EPCIP: variants seen among roughly 807,000 people sequenced by gnomAD.
The protein encoded by EPCIP is exosomal polycystin-1-interacting protein.
the EPCIP span, among the ~76,000 whole-genome samples, chr21:32,804,505 A>AAT: frequency 1.2e-4 from 19 of 152,066 alleles, no homozygotes; most frequent in African/African-American, 3.6e-4. Flanking sequence ...GGCATGCTAC[A>AAT]ATATACATAG....
the EPCIP span, among the ~76,000 whole-genome samples, chr21:32,806,093 G>T: frequency 6.6e-6 from 1 of 152,124 alleles, no homozygotes; most frequent in Non-Finnish European, 1.5e-5. Context: ...CTGAGGCTGA[G>T]TCCGGTCAGG....
chr21:32,807,581 T>A, the EPCIP span: 1 of 152,224 alleles, frequency 6.6e-6, no homozygotes, highest in Admixed American at 6.5e-5. Flanking sequence ...TGCCTCAGCC[T>A]CCCAAAGTGC....
chr21:32,793,940 C>T, the EPCIP span: 3 of 1,614,190 alleles, frequency 1.9e-6, no homozygotes, highest in Non-Finnish European at 2.5e-6. Flanking sequence ...ACATGGCTGC[C>T]AGCCTTTGTG....
the EPCIP span, chr21:32,794,333 C>G: frequency 6.2e-7 from 1 of 1,614,228 alleles, no homozygotes; most frequent in Non-Finnish European, 8.5e-7. Context: ...GATGAGCGTG[C>G]TGTTCTTCTG....
At chr21:32,810,278 C>T in the EPCIP span, among the ~76,000 whole-genome samples, 306 of 100,962 alleles carry the variant, frequency 3.0e-3, 4 homozygotes, top group African/African-American at 0.011. Context: ...TTTTTTGAGA[C>T]GGAGTCTCGC....
the EPCIP span, among the ~76,000 whole-genome samples, chr21:32,813,206 G>A: frequency 6.6e-6 from 1 of 152,030 alleles, no homozygotes; most frequent in Non-Finnish European, 1.5e-5. Context: ...GAAGACTAAT[G>A]GAAAAGTCTA....
the EPCIP span, among the ~76,000 whole-genome samples, chr21:32,809,964 C>A: frequency 6.6e-6 from 1 of 152,012 alleles, no homozygotes; most frequent in Non-Finnish European, 1.5e-5. Flanking sequence ...AGTACCTAGT[C>A]GTGTTAGATT....
At chr21:32,793,764 A>T in the EPCIP span, 2 of 1,613,220 alleles carry the variant, frequency 1.2e-6, no homozygotes, top group Non-Finnish European at 1.7e-6. Context: ...TTATTATGCT[A>T]GTAAATAAAT....
chr21:32,796,011 T>C, the EPCIP span, among the ~76,000 whole-genome samples: 4 of 139,720 alleles, frequency 2.9e-5, no homozygotes, highest in Non-Finnish European at 6.2e-5. Flanking sequence ...CCTCTTTCCT[T>C]CCCTCCTTCC....
At chr21:32,797,198 C>A in the EPCIP span, 1 of 283,526 alleles carries the variant, frequency 3.5e-6, no homozygotes, top group Non-Finnish European at 7.3e-6. Flanking sequence ...CCTGGTAACC[C>A]ATTTATGGAG....
chr21:32,792,915 A>T, the EPCIP span, among the ~76,000 whole-genome samples: 1,441 of 69,832 alleles, frequency 0.021, 26 homozygotes, highest in East Asian at 0.12. Flanking sequence ...TATTATTATT[A>T]TTTTTTTTTT....
the EPCIP span, chr21:32,797,677 T>C: frequency 3.3e-5 from 5 of 152,318 alleles, no homozygotes; most frequent in African/African-American, 1.2e-4. Context: ...ACAAATTTCA[T>C]TGAATGAATG....
the EPCIP span, chr21:32,813,656 C>G: frequency 1.5e-5 from 7 of 471,238 alleles, no homozygotes; most frequent in South Asian, 9.3e-5. Context: ...GCCACGGATC[C>G]TTCACCCTGG....
the EPCIP span, among the ~76,000 whole-genome samples, chr21:32,809,505 C>T: frequency 6.6e-6 from 1 of 151,562 alleles, no homozygotes; most frequent in African/African-American, 2.4e-5. Flanking sequence ...TCCTGAGTAG[C>T]TAGGACTATA....
chr21:32,796,885 G>A, the EPCIP span: 5 of 444,572 alleles, frequency 1.1e-5, no homozygotes, highest in East Asian at 7.1e-5. Flanking sequence ...AGAGGGGAGA[G>A]GTCTATTCAT....
At chr21:32,797,246 C>T in the EPCIP span, 1,212 of 277,084 alleles carry the variant, frequency 4.4e-3, 15 homozygotes, top group African/African-American at 0.025. Context: ...TTTCCTCCTT[C>T]AGTCTATCAT....
chr21:32,799,989 C>T, the EPCIP span, among the ~76,000 whole-genome samples: 1 of 152,176 alleles, frequency 6.6e-6, no homozygotes, highest in East Asian at 1.9e-4. Context: ...ATTAAGCTCA[C>T]TTCCAAATTA....
the EPCIP span, among the ~76,000 whole-genome samples, chr21:32,801,412 T>C: frequency 6.6e-6 from 1 of 152,172 alleles, no homozygotes; most frequent in Non-Finnish European, 1.5e-5. Flanking sequence ...GCCTAAGTCA[T>C]GGGGAAGCAA....
chr21:32,798,988 GAAAT>G, the EPCIP span: 20 of 152,034 alleles, frequency 1.3e-4, no homozygotes, highest in African/African-American at 3.4e-4. Context: ...TAATAATAAT[GAAAT>G]AAATAACCAA....
Sources: gnomAD v4.1 joint callset for allele counts (sites outside exome capture counted in the v4.1 genomes callset) on GRCh38, gnomAD v4.1.1 for gene constraint, MANE v1.5 for transcripts, NCBI Gene and HGNC (gene_info 2026-07-23, HGNC 2026-07-21) for gene names.